Variants in HYAL4 observed in about 807,000 individuals in gnomAD.
HYAL4 encodes hyaluronidase-4.
In HYAL4, 37 loss-of-function variants were observed where a neutral mutation model predicts 35.2. The ratio of observed to expected loss-of-function variants is 1.05; its 90% CI spans 0.81 to 1.38. The LOEUF is 1.38. Among genes scored for constraint, HYAL4 ranks in the 40% most tolerant of loss-of-function variants. The pLI is 0.00. For missense variants in HYAL4, 572 were observed against 572.4 expected (o/e 1.00, Z 0.01); for synonymous variants, 198 against 203.2 (o/e 0.97, Z 0.22).
the HYAL4 span, among the ~76,000 whole-genome samples, chr7:123,784,117 C>T: frequency 6.6e-6 from 1 of 152,020 alleles, no homozygotes; most frequent in African/African-American, 2.4e-5. Flanking sequence ...TTCAGTTTCC[C>T]ATCTGTATAG....
At chr7:123,836,512 G>A (rs1805965819) in intron 1 of HYAL4, among the ~76,000 whole-genome samples, 1 of 152,114 alleles carries the variant, frequency 6.6e-6, no homozygotes, top group Non-Finnish European at 1.5e-5. Flanking sequence ...TTGATAGTTG[G>A]TTGGTAAAAT....
At chr7:123,786,099 A>G in the HYAL4 span, among the ~76,000 whole-genome samples, 5 of 152,220 alleles carry the variant, frequency 3.3e-5, no homozygotes, top group African/African-American at 1.2e-4. Flanking sequence ...CTTAATAGGG[A>G]CATGATTCAC....
upstream of HYAL4, among the ~76,000 whole-genome samples, chr7:123,828,427 T>TACACACACACAC (rs34327472): frequency 2.1e-3 from 300 of 141,404 alleles, 2 homozygotes; most frequent in East Asian, 0.014. Flanking sequence ...TGTTCATAAT[T>TACACACACACAC]ACACACACAC....
chr7:123,823,558 T>C, the HYAL4 span, among the ~76,000 whole-genome samples: 1 of 152,024 alleles, frequency 6.6e-6, no homozygotes, highest in Non-Finnish European at 1.5e-5. Flanking sequence ...CACAATTCAC[T>C]GGTGAAGTTT....
At chr7:123,802,595 AT>A in the HYAL4 span, among the ~76,000 whole-genome samples, 710 of 148,374 alleles carry the variant, frequency 4.8e-3, 3 homozygotes, top group African/African-American at 0.016. Flanking sequence ...CAAGTTGGGA[AT>A]TTTTTTTTTT....
chr7:123,805,852 G>A, the HYAL4 span, among the ~76,000 whole-genome samples: 346 of 152,068 alleles, frequency 2.3e-3, 2 homozygotes, highest in African/African-American at 7.7e-3. Context: ...AATATAGGCC[G>A]GGCGTAGTGG....
chr7:123,860,198 T>C (rs1422325951), intron 2 of HYAL4, among the ~76,000 whole-genome samples: 2 of 152,190 alleles, frequency 1.3e-5, no homozygotes, highest in Non-Finnish European at 2.9e-5. Flanking sequence ...CTTTGCCTTC[T>C]GCCATGATTG....
In HYAL4 at chr7:123,832,479, CTTTTTTTTTTTTTTTTTTTTT is replaced by C. The variant is rs71163703; in HGVS notation, c.-257+3373_-257+3393del. Among the ~76,000 whole-genome samples the C allele has an allele frequency of 1.1e-3, 23 of 21,846 alleles. 1 individual carries two copies. Among genetic ancestry groups the C allele is most frequent in the South Asian group, 7.1e-3 (4 of 562 alleles). 14.3% of individuals were successfully genotyped at this position (21,846 alleles called of 152,430 possible). A position where few individuals can be genotyped will look rare whatever the true frequency, so the allele number is the denominator to read the frequency against. ...AGTCCCCAAAGTCTATTGTGTCATA[CTTTTTTTTTTTTTTTTTTTTT>C]TTTTTTTTTTTTTTTTTGAGACAGA... On this transcript the variant is annotated intron_variant, in intron 1 of 4. Coordinates refer to the HYAL4 transcript ENST00000489978.
chr7:123,818,724 A>G, the HYAL4 span, among the ~76,000 whole-genome samples: 1,294 of 152,194 alleles, frequency 8.5e-3, 9 homozygotes, highest in Non-Finnish European at 0.014. Flanking sequence ...ACCTTTTCCA[A>G]TTCTGGTATG....
rs1049608488 is a variant in HYAL4 at position 123,874,054 on chromosome 7, G to A, written c.955-707G>A. Reference sequence around the variant, plus strand: ...ATGTTGCAAAATGGAAAAGGAACCTGGTTAACAGGATCGCATTTGGAGAAG... The same window carrying A: ...ATGTTGCAAAATGGAAAAGGAACCTAGTTAACAGGATCGCATTTGGAGAAG... On this transcript the variant is annotated intron_variant, in intron 3 of 4. Transcript: ENST00000223026. Among the ~76,000 whole-genome samples, 4 of 152,196 alleles carry A rather than the reference G, an allele frequency of 2.6e-5. No individual in the cohort carries two copies. The East Asian group carries it at 5.8e-4, about 22-fold the overall frequency.
chr7:123,818,058 G>A, the HYAL4 span, among the ~76,000 whole-genome samples: 2 of 151,844 alleles, frequency 1.3e-5, no homozygotes, highest in South Asian at 2.1e-4. Context: ...TGTATTTTTA[G>A]TAGAGATAGG....
chr7:123,873,457 T>C (rs1563005848), intron 3 of HYAL4, among the ~76,000 whole-genome samples: 2 of 152,048 alleles, frequency 1.3e-5, no homozygotes, highest in East Asian at 3.9e-4. Flanking sequence ...TTTTGAGTGT[T>C]AGACAATAAA....
At chr7:123,859,712 A>T (rs1049622194) in intron 2 of HYAL4, among the ~76,000 whole-genome samples, 1 of 152,230 alleles carries the variant, frequency 6.6e-6, no homozygotes, top group African/African-American at 2.4e-5. Flanking sequence ...TTGATTCCTT[A>T]TACTGTAGTC....
At chr7:123,809,112 A>G in the HYAL4 span, among the ~76,000 whole-genome samples, 1 of 152,172 alleles carries the variant, frequency 6.6e-6, no homozygotes, top group East Asian at 1.9e-4. Flanking sequence ...CATGCCTTTA[A>G]CACATGAAGT....
intron 2 of HYAL4, among the ~76,000 whole-genome samples, chr7:123,849,307 T>C (rs11772619): frequency 2.0e-5 from 3 of 151,500 alleles, no homozygotes; most frequent in Middle Eastern, 3.4e-3. Flanking sequence ...CTCTTTCTCT[T>C]TCTCTCTCTC....
the HYAL4 span, among the ~76,000 whole-genome samples, chr7:123,807,066 C>T: frequency 6.6e-6 from 1 of 152,256 alleles, no homozygotes; most frequent in South Asian, 2.1e-4. Context: ...AGATTTAAAG[C>T]TTATGTGATA....
At chr7:123,840,583 G>A (rs1222820251), upstream of HYAL4, among the ~76,000 whole-genome samples, 1 of 151,898 alleles carries the variant, frequency 6.6e-6, no homozygotes, top group African/African-American at 2.4e-5. Context: ...TGGGCAGTAC[G>A]GCCATTTTCA....
intron 2 of HYAL4, among the ~76,000 whole-genome samples, chr7:123,861,534 G>GA (rs2116945716): frequency 6.6e-6 from 1 of 152,248 alleles, no homozygotes; most frequent in South Asian, 2.1e-4. Flanking sequence ...GTAATACTTA[G>GA]ACAAAGACCA....
chr7:123,810,090 G>C, the HYAL4 span, among the ~76,000 whole-genome samples: 2 of 152,148 alleles, frequency 1.3e-5, no homozygotes, highest in African/African-American at 4.8e-5. Context: ...AATCTGCCAG[G>C]AGAAAAGACA....
Sources: allele counts gnomAD v4.1 joint callset (sites outside exome capture counted in the v4.1 genomes callset), GRCh38; gene constraint gnomAD v4.1.1; transcripts MANE v1.5; gene names NCBI Gene and HGNC (gene_info 2026-07-23, HGNC 2026-07-21).